ROBO1: variants seen among roughly 807,000 people sequenced by gnomAD.
ROBO1 encodes roundabout guidance receptor 1.
Under a neutral mutation model 195.9 loss-of-function variants are expected in ROBO1, and 149 were observed. The ratio of observed to expected loss-of-function variants is 0.76; its 90% confidence interval spans 0.67 to 0.87. ROBO1 has a LOEUF of 0.87. Among genes scored for constraint, ROBO1 ranks in the 40% least tolerant of loss-of-function variants. The probability of loss-of-function intolerance (pLI) is 0.00; values close to 1 mark genes in which losing one functional copy is unlikely to be tolerated. For missense variants in ROBO1, 1,933 were observed against 2,068.3 expected (o/e 0.93, Z 1.27); for synonymous variants, 816 against 733.2 (o/e 1.11, Z -1.82).
intron 2 of ROBO1, among the ~76,000 whole-genome samples, chr3:79,226,675 C>A (rs1230965038): frequency 2.0e-5 from 3 of 151,380 alleles, no homozygotes; most frequent in African/African-American, 7.3e-5. Context: ...TGTGTATTTG[C>A]GGCCACAACA....
chr3:79,671,820 C>T (rs1946641240), intron 1 of ROBO1, among the ~76,000 whole-genome samples: 1 of 151,816 alleles, frequency 6.6e-6, no homozygotes, highest in Non-Finnish European at 1.5e-5. Flanking sequence ...TGCCAATTAG[C>T]ATAATTGAGT....
At chr3:79,711,864 G>A (rs147995653) in intron 1 of ROBO1, among the ~76,000 whole-genome samples, 1,318 of 124,154 alleles carry the variant, frequency 0.011, 12 homozygotes, top group Middle Eastern at 0.088. Flanking sequence ...TATTATATCC[G>A]TTATGGTAAT....
intron 3 of ROBO1, among the ~76,000 whole-genome samples, chr3:79,115,154 A>G (rs1404059119): frequency 6.6e-6 from 1 of 152,198 alleles, no homozygotes; most frequent in Non-Finnish European, 1.5e-5. Flanking sequence ...GTGATGGTTG[A>G]TCTTTCAAAT....
At chr3:78,929,390 C>T (rs1362466638) in intron 4 of ROBO1, among the ~76,000 whole-genome samples, 1 of 152,110 alleles carries the variant, frequency 6.6e-6, no homozygotes, top group Non-Finnish European at 1.5e-5. Flanking sequence ...GTAAAGGTTG[C>T]TAGGTCCTGT....
At chr3:79,401,668 A>G (rs1232887079) in intron 2 of ROBO1, among the ~76,000 whole-genome samples, 1 of 151,920 alleles carries the variant, frequency 6.6e-6, no homozygotes, top group East Asian at 1.9e-4. Flanking sequence ...CAGAACAATC[A>G]TAAATCAGAG....
intron 2 of ROBO1, among the ~76,000 whole-genome samples, chr3:79,527,486 T>C (rs1468668190): frequency 6.6e-6 from 1 of 152,154 alleles, no homozygotes; most frequent in Non-Finnish European, 1.5e-5. Context: ...AAATTTTCTA[T>C]GGTTAATATT....
At chr3:79,051,770 C>T (rs1329972030) in intron 3 of ROBO1, among the ~76,000 whole-genome samples, 1 of 152,112 alleles carries the variant, frequency 6.6e-6, no homozygotes, top group Non-Finnish European at 1.5e-5. Context: ...CAAATTAATA[C>T]TTTCATAATT....
chr3:79,122,774 A>T (rs373071294), intron 3 of ROBO1, among the ~76,000 whole-genome samples: 7 of 151,958 alleles, frequency 4.6e-5, no homozygotes, highest in Non-Finnish European at 8.8e-5. Flanking sequence ...GTAAATGGGA[A>T]TTTTAGTGAA....
intron 1 of ROBO1, among the ~76,000 whole-genome samples, chr3:79,646,182 T>A (rs1328829043): frequency 6.6e-6 from 1 of 151,708 alleles, no homozygotes; most frequent in Non-Finnish European, 1.5e-5. Context: ...ATAACCAGAA[T>A]ACAAAAAGGG....
intron 2 of ROBO1, among the ~76,000 whole-genome samples, chr3:79,572,495 A>G (rs1470657048): frequency 6.6e-6 from 1 of 152,106 alleles, no homozygotes; most frequent in Non-Finnish European, 1.5e-5. Context: ...TATATATATA[A>G]TAAACATGTA....
chr3:79,315,175 C>T (rs1023041516), intron 2 of ROBO1, among the ~76,000 whole-genome samples: 4 of 152,104 alleles, frequency 2.6e-5, no homozygotes, highest in Non-Finnish European at 5.9e-5. Flanking sequence ...AGTGCAGTGA[C>T]TCATACCTGT....
Position 79,754,804 on chromosome 3 carries a change from C to T in ROBO1, c.-51+12948G>A, listed in dbSNP as rs141410616. ...GCTAAGACGATGGCTCTGGACAAAG[C>T]GCAAACAATTTTCTCTTAATATTTT... On this transcript the variant is annotated intron_variant, in intron 1 of 30. Transcript: ENST00000464233. 6.3e-3 allele frequency among the ~76,000 whole-genome samples: 963 copies of T among 152,266 alleles called. 11 individuals carry two copies. Among genetic ancestry groups the T allele is most frequent in the Middle Eastern group, 0.034 (10 of 294 alleles).
At chr3:79,588,791 CTT>C (rs1943908208) in intron 2 of ROBO1, among the ~76,000 whole-genome samples, 1 of 151,658 alleles carries the variant, frequency 6.6e-6, no homozygotes, top group Admixed American at 6.6e-5. Flanking sequence ...TTACAACAGA[CTT>C]AAAGTTTCTG....
chr3:79,721,698 C>T (rs1702709754), intron 1 of ROBO1, among the ~76,000 whole-genome samples: 1 of 152,108 alleles, frequency 6.6e-6, no homozygotes. Context: ...TAGGGTTCAC[C>T]ATTACTGTTG....
intron 3 of ROBO1, among the ~76,000 whole-genome samples, chr3:78,955,965 C>T (rs1576464632): frequency 6.6e-6 from 1 of 152,124 alleles, no homozygotes; most frequent in South Asian, 2.1e-4. Flanking sequence ...ATATCTTCCT[C>T]ATATCTTTCT....
At chr3:78,863,974 G>A (rs1200424062) in intron 4 of ROBO1, among the ~76,000 whole-genome samples, 1 of 152,166 alleles carries the variant, frequency 6.6e-6, no homozygotes, top group Non-Finnish European at 1.5e-5. Flanking sequence ...GCAACCTGTT[G>A]CCTGTAAAGT....
intron 4 of ROBO1, among the ~76,000 whole-genome samples, chr3:78,877,225 T>C (rs2035907447): frequency 6.6e-6 from 1 of 152,160 alleles, no homozygotes; most frequent in South Asian, 2.1e-4. Flanking sequence ...TAAAGTATAA[T>C]AAATGAAAAA....
intron 2 of ROBO1, among the ~76,000 whole-genome samples, chr3:79,276,955 A>T (rs1476954015): frequency 6.6e-6 from 1 of 152,088 alleles, no homozygotes; most frequent in Non-Finnish European, 1.5e-5. Flanking sequence ...TTTATCCAAA[A>T]GGTAGACAAT....
intron 1 of ROBO1, among the ~76,000 whole-genome samples, chr3:79,733,032 CA>C (rs1703220541): frequency 6.6e-6 from 1 of 152,102 alleles, no homozygotes. Flanking sequence ...AATAACTAAC[CA>C]AAGATTTCCT....
Sources: allele counts gnomAD v4.1 joint callset (sites outside exome capture counted in the v4.1 genomes callset), GRCh38; gene constraint gnomAD v4.1.1; transcripts MANE v1.5; gene names NCBI Gene and HGNC (gene_info 2026-07-23, HGNC 2026-07-21).